Variants in PDGFC observed in about 807,000 individuals in gnomAD.
PDGFC encodes platelet-derived growth factor C.
In PDGFC, 12 loss-of-function variants were observed where a neutral mutation model predicts 35.5. That is an observed-to-expected ratio of 0.34 (90% CI 0.22 to 0.55). PDGFC has a LOEUF of 0.55. PDGFC is among the 20% of genes least tolerant of loss of function. The pLI, the probability that PDGFC is intolerant of heterozygous loss-of-function variation, is 0.91. For missense variants in PDGFC, 322 were observed against 412.4 expected, an observed-to-expected ratio of 0.78 and a Z score of 1.90; for synonymous variants, 159 against 148.8, an observed-to-expected ratio of 1.07 and a Z score of -0.50.
Position 156,787,138 on chromosome 4 carries a change from A to C in PDGFC, c.496-14245T>G, listed in dbSNP as rs146487327. 2.0e-4 allele frequency among the ~76,000 whole-genome samples: 30 copies of C among 152,318 alleles called. No homozygotes were observed. The East Asian group carries it at 5.4e-3, about 27-fold the overall frequency. On this transcript the variant is annotated intron_variant, in intron 3 of 5. Transcript: ENST00000502773. ...TATTAGGAAGAGGTGCCATGGTTAT[A>C]AAGTGATCTCTATTAAAAAGGGGAC...
intron 1 of PDGFC, among the ~76,000 whole-genome samples, chr4:156,942,368 A>G (rs1016122267): frequency 6.6e-6 from 1 of 152,166 alleles, no homozygotes; most frequent in Non-Finnish European, 1.5e-5. Context: ...TACAAAGCAT[A>G]GAATCACTAT....
chr4:156,793,221 T>C (rs1007257613), intron 3 of PDGFC, among the ~76,000 whole-genome samples: 2 of 152,100 alleles, frequency 1.3e-5, no homozygotes, highest in African/African-American at 4.8e-5. Flanking sequence ...CTAAAGTCCA[T>C]TTTAGATGTA....
chr4:156,848,034 A>G (rs1478234618), intron 2 of PDGFC, among the ~76,000 whole-genome samples: 1 of 151,890 alleles, frequency 6.6e-6, no homozygotes, highest in East Asian at 1.9e-4. Context: ...TACCACCAAC[A>G]TAAATAAATT....
chr4:156,939,119 C>A (rs1288133455), intron 1 of PDGFC, among the ~76,000 whole-genome samples: 1 of 152,056 alleles, frequency 6.6e-6, no homozygotes, highest in African/African-American at 2.4e-5. Flanking sequence ...TGAATAAAGG[C>A]TGGGCCTCTA....
At chr4:156,813,905 A>G (rs1732008327) in intron 2 of PDGFC, among the ~76,000 whole-genome samples, 1 of 152,124 alleles carries the variant, frequency 6.6e-6, no homozygotes, top group Non-Finnish European at 1.5e-5. Flanking sequence ...TCATCTCCAG[A>G]ATTCGTGTCA....
intron 1 of PDGFC, chr4:156,876,490 T>G (rs1730119364): frequency 6.6e-6 from 1 of 152,194 alleles, no homozygotes; most frequent in Admixed American, 6.6e-5. Context: ...CAGGTACTAT[T>G]TAGTACCCCA....
intron 1 of PDGFC, among the ~76,000 whole-genome samples, chr4:156,880,911 A>G (rs1263460801): frequency 6.6e-6 from 1 of 152,176 alleles, no homozygotes; most frequent in African/African-American, 2.4e-5. Flanking sequence ...TCTGCTCCTG[A>G]TGGAGGTGTT....
chr4:156,848,291 A>G (rs1389858511), intron 2 of PDGFC, among the ~76,000 whole-genome samples: 2 of 151,934 alleles, frequency 1.3e-5, no homozygotes, highest in African/African-American at 4.8e-5. Flanking sequence ...ATGCTGTGCA[A>G]CAAAAATTTT....
At chr4:156,903,821 G>A (rs893288671) in intron 1 of PDGFC, among the ~76,000 whole-genome samples, 2 of 152,080 alleles carry the variant, frequency 1.3e-5, no homozygotes, top group Non-Finnish European at 2.9e-5. Context: ...TTAAAATATA[G>A]CAAAGTGTAG....
chr4:156,839,979 T>G (rs1729158869), intron 2 of PDGFC, among the ~76,000 whole-genome samples: 1 of 152,122 alleles, frequency 6.6e-6, no homozygotes, highest in Non-Finnish European at 1.5e-5. Flanking sequence ...GGAAAACATT[T>G]CTAAGCAGCA....
chr4:156,947,088 A>G (rs1731966787), intron 1 of PDGFC, among the ~76,000 whole-genome samples: 1 of 152,032 alleles, frequency 6.6e-6, no homozygotes, highest in South Asian at 2.1e-4. Context: ...GGAGGTCAGC[A>G]GAATGGACCA....
chr4:156,860,801 AT>A (rs1457223368), intron 1 of PDGFC, among the ~76,000 whole-genome samples: 5 of 152,104 alleles, frequency 3.3e-5, no homozygotes, highest in Admixed American at 2.0e-4. Flanking sequence ...CCCTCAAAGC[AT>A]TTTTTATAGC....
chr4:156,963,516 CA>C lies in PDGFC; in HGVS notation c.118+7269del, dbSNP rs569630664. On this transcript the variant is annotated intron_variant, in intron 1 of 5. Coordinates refer to ENST00000502773, the MANE Select transcript of PDGFC (RefSeq NM_016205.3). ...AATACAAAAGGGAAAAAGCTAAGTACAAAAAAAAAATCACAGTCTGAAAATA... is the reference window on the plus strand; with the variant it reads ...AATACAAAAGGGAAAAAGCTAAGTACAAAAAAAAATCACAGTCTGAAAATA... Among the ~76,000 whole-genome samples, 22 of 145,632 alleles carry C rather than the reference CA, an allele frequency of 1.5e-4. 1 individual carries two copies. In the Middle Eastern group the frequency reaches 0.011, roughly 70 times the overall value.
Position 156,833,115 on chromosome 4 carries a change from G to T in PDGFC, c.314+17106C>A, listed in dbSNP as rs543624708. On this transcript the variant is annotated intron_variant, in intron 2 of 5. Transcript: ENST00000502773. ...GAAGTTTCTTGGCAGTGGGCCTGCT[G>T]ATGGCCTCCACAAGGCTGTACATTT... Among the ~76,000 whole-genome samples, 14 of 152,320 alleles carry T rather than the reference G, an allele frequency of 9.2e-5. No individual in the cohort carries two copies. The South Asian group carries it at 2.7e-3, about 29-fold the overall frequency.
chr4:156,875,585 T>C (rs1448728494), intron 1 of PDGFC, among the ~76,000 whole-genome samples: 1 of 152,104 alleles, frequency 6.6e-6, no homozygotes, highest in African/African-American at 2.4e-5. Flanking sequence ...GAAAAGGTAA[T>C]TTTGTCCCGA....
chr4:156,905,729 C>A (rs1313543425), intron 1 of PDGFC, among the ~76,000 whole-genome samples: 1 of 152,052 alleles, frequency 6.6e-6, no homozygotes. Context: ...TGCCCAGATA[C>A]CAAAGTAAGT....
intron 1 of PDGFC, among the ~76,000 whole-genome samples, chr4:156,939,200 C>T (rs1485032303): frequency 6.6e-6 from 1 of 152,014 alleles, no homozygotes; most frequent in African/African-American, 2.4e-5. Context: ...GTATGCCAAG[C>T]TCTACCCTAA....
chr4:156,885,845 T>C (rs1412893465), intron 1 of PDGFC, among the ~76,000 whole-genome samples: 1 of 152,140 alleles, frequency 6.6e-6, no homozygotes, highest in Non-Finnish European at 1.5e-5. Flanking sequence ...TAAATGCCAC[T>C]GCACTCTAGT....
chr4:156,870,862 G>A (rs1459860556), intron 1 of PDGFC, among the ~76,000 whole-genome samples: 1 of 151,938 alleles, frequency 6.6e-6, no homozygotes, highest in African/African-American at 2.4e-5. Flanking sequence ...ATAGTTAGAG[G>A]ATCAAAAAAA....
Sources: gnomAD v4.1 joint callset for allele counts (sites outside exome capture counted in the v4.1 genomes callset) on GRCh38, gnomAD v4.1.1 for gene constraint, MANE v1.5 for transcripts, NCBI Gene and HGNC (gene_info 2026-07-23, HGNC 2026-07-21) for gene names.